The following ARHGAP18 variants were observed in gnomAD, a reference collection of about 807,000 sequenced individuals.
ARHGAP18 encodes rho GTPase-activating protein 18.
A neutral mutation model predicts 86.2 loss-of-function variants in ARHGAP18; 67 were observed. The observed-to-expected ratio is 0.78, with a 90% confidence interval of 0.64 to 0.95. The LOEUF (loss-of-function observed/expected upper bound fraction) is 0.95, where lower values mean the gene tolerates loss of function less well. ARHGAP18 is among the 40% of genes least tolerant of loss of function. ARHGAP18 has a pLI of 0.00. For synonymous variants in ARHGAP18, 283 were observed against 280.4 expected (o/e 1.01, Z -0.09); for missense variants, 691 against 780.4 (o/e 0.89, Z 1.37).
chr6:129,624,533 AAC>A (rs1179438262), intron 5 of ARHGAP18, among the ~76,000 whole-genome samples: 1 of 152,046 alleles, frequency 6.6e-6, no homozygotes, highest in East Asian at 1.9e-4. Context: ...ACAAAAAACA[AAC>A]ACACACAAAA....
Position 129,696,143 on chromosome 6 carries a change from T to A in ARHGAP18, c.113+13881A>T, listed in dbSNP as rs183820524. ...TAATTTTTGTATAGCCTCTGGGATG[T>A]TTTTCACAGGTAACATGTGATCTCA... On this transcript the variant is annotated intron_variant, in intron 1 of 14. Transcript: ENST00000368149. Among the ~76,000 whole-genome samples the A allele has an allele frequency of 9.9e-5, 15 of 152,278 alleles. No individual in the cohort carries two copies. The East Asian group carries it at 2.9e-3, about 29-fold the overall frequency.
At chr6:129,679,471 C>A (rs1210887214) in intron 1 of ARHGAP18, among the ~76,000 whole-genome samples, 2 of 152,146 alleles carry the variant, frequency 1.3e-5, no homozygotes, top group Non-Finnish European at 2.9e-5. Context: ...TATTGAGAAC[C>A]TACTACATGC....
chr6:129,688,307 G>A (rs1774466997), intron 1 of ARHGAP18, among the ~76,000 whole-genome samples: 1 of 152,218 alleles, frequency 6.6e-6, no homozygotes, highest in South Asian at 2.1e-4. Flanking sequence ...TTCTTAGTTG[G>A]ATGTAAGACG....
intron 8 of ARHGAP18, 85 bp downstream of exon 8, chr6:129,611,448 G>C: frequency 9.1e-7 from 1 of 1,100,004 alleles, no homozygotes; most frequent in South Asian, 1.4e-5. Context: ...ATGGAAAAAA[G>C]GGGTAGAGAG....
intron 5 of ARHGAP18, among the ~76,000 whole-genome samples, chr6:129,626,185 C>G (rs962522216): frequency 6.8e-6 from 1 of 147,904 alleles, no homozygotes; most frequent in Non-Finnish European, 1.5e-5. Context: ...TACATCTGTA[C>G]AATGGAGTAC....
At chr6:129,673,875 T>C (rs978066557) in intron 1 of ARHGAP18, among the ~76,000 whole-genome samples, 3 of 152,142 alleles carry the variant, frequency 2.0e-5, no homozygotes, top group Non-Finnish European at 2.9e-5. Context: ...TCAAATCTTC[T>C]AAACTGAGTG....
intron 1 of ARHGAP18, among the ~76,000 whole-genome samples, chr6:129,688,364 A>T (rs1195091962): frequency 6.6e-6 from 1 of 152,236 alleles, no homozygotes; most frequent in Non-Finnish European, 1.5e-5. Context: ...ATGATGTAAC[A>T]TTATAATAAT....
chr6:129,609,511 A>G (rs1046829373), intron 8 of ARHGAP18, among the ~76,000 whole-genome samples: 1 of 152,106 alleles, frequency 6.6e-6, no homozygotes, highest in Non-Finnish European at 1.5e-5. Context: ...TGAGGGCCCG[A>G]GTGCTTTGAA....
At chr6:129,612,132 T>C (rs954251462) in intron 7 of ARHGAP18, among the ~76,000 whole-genome samples, 2 of 152,224 alleles carry the variant, frequency 1.3e-5, no homozygotes, top group Non-Finnish European at 2.9e-5. Context: ...TCATACCTGA[T>C]GCCCAATGAA....
At chr6:129,656,824 G>A (rs1050016234) in intron 1 of ARHGAP18, among the ~76,000 whole-genome samples, 3 of 152,246 alleles carry the variant, frequency 2.0e-5, no homozygotes, top group Non-Finnish European at 1.5e-5. Context: ...TTTCCTCTGA[G>A]CAAATAAAGA....
chr6:129,628,146 G>A (rs1277342832), intron 5 of ARHGAP18, among the ~76,000 whole-genome samples: 1 of 152,092 alleles, frequency 6.6e-6, no homozygotes, highest in Non-Finnish European at 1.5e-5. Context: ...ATATTCAGTA[G>A]CAATGAGAAC....
chr6:129,680,295 T>C (rs1774303456), intron 1 of ARHGAP18, among the ~76,000 whole-genome samples: 1 of 152,230 alleles, frequency 6.6e-6, no homozygotes, highest in Non-Finnish European at 1.5e-5. Context: ...CCAGAGCATT[T>C]ACAGTTCTGC....
chr6:129,578,796 T>C (rs1372229565), intron 14 of ARHGAP18, among the ~76,000 whole-genome samples, 192 bp from the exon 15 acceptor site: 1 of 152,092 alleles, frequency 6.6e-6, no homozygotes, highest in Non-Finnish European at 1.5e-5. Context: ...AAACCCCATC[T>C]CTACAAAAAA....
chr6:129,620,429 A>C (rs555854767), intron 5 of ARHGAP18, among the ~76,000 whole-genome samples: 3 of 152,364 alleles, frequency 2.0e-5, no homozygotes, highest in Non-Finnish European at 2.9e-5. Context: ...TTGCTTCATA[A>C]TCACAAGCAC....
At chr6:129,582,834 AGCAGAC>A (rs1788315727) in intron 13 of ARHGAP18, among the ~76,000 whole-genome samples, 1 of 152,224 alleles carries the variant, frequency 6.6e-6, no homozygotes, top group African/African-American at 2.4e-5. Flanking sequence ...TTATCAGTGA[AGCAGAC>A]GTAATAATAG....
At chr6:129,613,004 C>A (rs6900535) in intron 7 of ARHGAP18, among the ~76,000 whole-genome samples, 41 of 152,084 alleles carry the variant, frequency 2.7e-4, no homozygotes, top group Admixed American at 2.6e-3. Flanking sequence ...GAGGGCGAGG[C>A]GGGCGGATCA....
At chr6:129,707,969 A>G (rs1480539506) in intron 1 of ARHGAP18, among the ~76,000 whole-genome samples, 1 of 151,754 alleles carries the variant, frequency 6.6e-6, no homozygotes, top group Non-Finnish European at 1.5e-5. Context: ...CCGCCCCGAA[A>G]CCACTATCAC....
rs1160155700 is a variant in ARHGAP18 at position 129,629,517 on chromosome 6, C to T, written c.622G>A (p.Ala208Thr). The T allele has an allele frequency of 1.9e-6, 3 of 1,611,254 alleles. No individual in the cohort carries two copies. The highest frequency in any genetic ancestry group is 2.2e-5 in the South Asian group (2 of 90,538). Residue 208 changes from alanine (A) to threonine (T), a missense_variant, in exon 5 of 15, where the codon GCA becomes ACA. By Grantham distance (58) the Ala-to-Thr change is moderately conservative (BLOSUM62 0). Coordinates refer to ENST00000368149, the MANE Select transcript of ARHGAP18 (RefSeq NM_033515.3). ...ENKYQGRDDE[A>T]SNLVGEEKLI... ...TTCTCTTCACCAACAAGGTTAGATGCCTCGTCTAGGGGCCCGGGGGGAAAG... is the reference window on the plus strand; with the variant it reads ...TTCTCTTCACCAACAAGGTTAGATGTCTCGTCTAGGGGCCCGGGGGGAAAG...
chr6:129,647,949 A>G (rs1773613851), intron 1 of ARHGAP18, among the ~76,000 whole-genome samples: 1 of 152,172 alleles, frequency 6.6e-6, no homozygotes, highest in South Asian at 2.1e-4. Context: ...TGTCAAACAG[A>G]CTAAAAAGGA....
Sources: allele counts gnomAD v4.1 joint callset (sites outside exome capture counted in the v4.1 genomes callset), GRCh38; gene constraint gnomAD v4.1.1; transcripts MANE v1.5; gene names NCBI Gene and HGNC (gene_info 2026-07-23, HGNC 2026-07-21).